Variants in SRGAP3 observed in about 807,000 individuals in gnomAD.
SRGAP3 encodes SLIT-ROBO Rho GTPase-activating protein 3.
In SRGAP3, 39 loss-of-function variants were observed where a neutral mutation model predicts 121.1. That is an observed-to-expected ratio of 0.32 (90% CI 0.25 to 0.42). The LOEUF is 0.42. SRGAP3 is among the 10% of genes least tolerant of loss of function. The pLI, the probability that SRGAP3 is intolerant of heterozygous loss-of-function variation, is 1.00. For missense variants in SRGAP3, 1,213 were observed against 1,470.6 expected (o/e 0.82, Z 2.86); for synonymous variants, 601 against 570.0 (o/e 1.05, Z -0.77).
At chr3:8,991,048 A>G (rs1247609633) in intron 20 of SRGAP3, among the ~76,000 whole-genome samples, 1 of 152,186 alleles carries the variant, frequency 6.6e-6, no homozygotes, top group East Asian at 1.9e-4. Flanking sequence ...ATCTGTAAAC[A>G]TGAAAGCATT....
At chr3:9,259,921 G>C (rs376635425) in intron 3 of SRGAP3, among the ~76,000 whole-genome samples, 3 of 151,836 alleles carry the variant, frequency 2.0e-5, no homozygotes, top group East Asian at 3.9e-4. Context: ...AAGAAGACGG[G>C]TGACTTCTGC....
Position 8,985,621 on chromosome 3 carries a change from G to C in SRGAP3, c.3198C>G (p.His1066Gln). The C allele has an allele frequency of 6.3e-7, 1 of 1,596,026 alleles. No individual in the cohort carries two copies. Among genetic ancestry groups the C allele is most frequent in the Non-Finnish European group, 8.5e-7 (1 of 1,178,118 alleles). Residue 1066 changes from histidine to glutamine, a missense_variant, in exon 22 of 22, where the codon CAC becomes CAG. By Grantham distance (24) the His-to-Gln change is conservative. This residue lies in a region of SRGAP3 where 420 missense variants were observed against 437.7 expected (regional missense o/e 0.96). Transcript: ENST00000383836. The surrounding 1 kb of genome is among the most constrained non-coding windows in gnomAD (Gnocchi z 5.1). ...PMRPVRPVVQ[H>Q]RSSSSSSSGV... ...CCGAGCTGCTGCTGCTGCTGGACCG[G>C]TGCTGGACCACCGGCCGCACGGGCC...
At chr3:9,051,691 G>T (rs1560012596) in intron 9 of SRGAP3, among the ~76,000 whole-genome samples, 1 of 150,182 alleles carries the variant, frequency 6.7e-6, no homozygotes, top group Non-Finnish European at 1.5e-5. Context: ...TATAGAAGGG[G>T]TGAAAATTTT....
chr3:9,301,778 C>T (rs550624594), intron 3 of SRGAP3, among the ~76,000 whole-genome samples: 1 of 152,356 alleles, frequency 6.6e-6, no homozygotes, highest in East Asian at 1.9e-4. Context: ...GGATAAATGA[C>T]TTAATCTTGT....
chr3:9,333,067 T>A (rs184883124), intron 1 of SRGAP3, among the ~76,000 whole-genome samples: 74 of 152,338 alleles, frequency 4.9e-4, no homozygotes, highest in Middle Eastern at 6.8e-3. Context: ...CTTAGCATAT[T>A]TTAGTTTTAT....
chr3:9,000,304 T>C (rs1290492667), intron 18 of SRGAP3, among the ~76,000 whole-genome samples: 4 of 152,162 alleles, frequency 2.6e-5, no homozygotes, highest in Non-Finnish European at 5.9e-5. Context: ...ATGTGGGGGT[T>C]CTATCAACCT....
chr3:9,317,977 T>C (rs1306819493), intron 3 of SRGAP3, among the ~76,000 whole-genome samples: 1 of 152,250 alleles, frequency 6.6e-6, no homozygotes, highest in East Asian at 1.9e-4. Flanking sequence ...GTTCTTAATC[T>C]ACTGCACAGT....
intron 1 of SRGAP3, among the ~76,000 whole-genome samples, chr3:9,347,680 T>G (rs767300845): frequency 6.6e-6 from 1 of 152,244 alleles, no homozygotes; most frequent in Non-Finnish European, 1.5e-5. Context: ...TCTGTACAAT[T>G]GATTCTGGTG....
rs916155543 is a variant in SRGAP3 at position 8,985,461 on chromosome 3, G to T, written c.*58C>A. 1.3e-6 allele frequency: 2 copies of T among 1,591,236 alleles called. No individual in the cohort carries two copies. Among genetic ancestry groups the T allele is most frequent in the African/African-American group, 1.3e-5 (1 of 74,552 alleles). On this transcript the variant is annotated 3_prime_UTR_variant, in exon 22 of 22. Transcript: ENST00000383836. The surrounding 1 kb of genome is among the most constrained non-coding windows in gnomAD (Gnocchi z 5.1). Reference sequence around the variant, plus strand: ...TGGGAAGCACGTGGAAGCCACCAAGGCCACCCTGGGCCGTGGTGAGCCACA... The same window carrying T: ...TGGGAAGCACGTGGAAGCCACCAAGTCCACCCTGGGCCGTGGTGAGCCACA...
At chr3:9,035,771 C>T (rs542679501) in intron 11 of SRGAP3, 1 of 160,800 alleles carries the variant, frequency 6.2e-6, no homozygotes, top group African/African-American at 2.4e-5. Context: ...AATTATCCTG[C>T]AACTAAAGGG....
At chr3:9,015,575 A>G (rs1280309948) in intron 15 of SRGAP3, 22 bp downstream of exon 15, 8 of 1,613,592 alleles carry the variant, frequency 5.0e-6, no homozygotes, top group African/African-American at 1.3e-5. Flanking sequence ...AAAACTGATC[A>G]TTTCACCTGG....
chr3:9,039,655 C>T (rs1162326), intron 10 of SRGAP3, among the ~76,000 whole-genome samples: 1 of 151,986 alleles, frequency 6.6e-6, no homozygotes, highest in East Asian at 1.9e-4. Context: ...TTCCTGCCTC[C>T]GGCCCCTGGC....
At chr3:9,030,440 G>C (rs1396559371) in intron 12 of SRGAP3, among the ~76,000 whole-genome samples, 1 of 152,136 alleles carries the variant, frequency 6.6e-6, no homozygotes, top group Non-Finnish European at 1.5e-5. Context: ...CTATTCCAAA[G>C]ACAAGGTGTC....
chr3:9,178,022 C>T (rs1325222228), intron 1 of SRGAP3, among the ~76,000 whole-genome samples: 1 of 152,056 alleles, frequency 6.6e-6, no homozygotes, highest in Non-Finnish European at 1.5e-5. Flanking sequence ...AATCCTAGCA[C>T]TTTGGGAGGC....
intron 13 of SRGAP3, 87 bp from the exon 14 acceptor site, chr3:9,025,425 C>T (rs1328659452): frequency 4.5e-6 from 6 of 1,347,486 alleles, no homozygotes; most frequent in Non-Finnish European, 2.1e-6. Context: ...TGACTCTCCC[C>T]ATTGCTTGTC....
At chr3:9,301,346 C>A (rs764943670) in intron 3 of SRGAP3, among the ~76,000 whole-genome samples, 3 of 152,198 alleles carry the variant, frequency 2.0e-5, no homozygotes, top group Admixed American at 1.3e-4. Flanking sequence ...AGATGCAGGT[C>A]CCCCGCCTGC....
At chr3:9,261,874 T>C (rs1298621722) in intron 3 of SRGAP3, among the ~76,000 whole-genome samples, 1 of 91,868 alleles carries the variant, frequency 1.1e-5, no homozygotes, top group African/African-American at 3.6e-5. Flanking sequence ...TCCTCATATA[T>C]TTAAAAAAAA....
At chr3:9,074,732 T>A (rs1280823204) in intron 4 of SRGAP3, among the ~76,000 whole-genome samples, 1 of 152,188 alleles carries the variant, frequency 6.6e-6, no homozygotes, top group Non-Finnish European at 1.5e-5. Context: ...TTTGCCAAGA[T>A]TTGCCTGTTG....
intron 1 of SRGAP3, among the ~76,000 whole-genome samples, chr3:9,204,790 A>G (rs896343868): frequency 6.6e-6 from 1 of 152,232 alleles, no homozygotes; most frequent in Non-Finnish European, 1.5e-5. Context: ...CGTAGGAGTT[A>G]GGCTTTGAAA....
Sources: allele counts gnomAD v4.1 joint callset (sites outside exome capture counted in the v4.1 genomes callset), GRCh38; gene constraint gnomAD v4.1.1; regional missense constraint gnomAD v4.1.1; non-coding constraint Gnocchi (gnomAD v3.1); transcripts MANE v1.5; gene names NCBI Gene and HGNC (gene_info 2026-07-23, HGNC 2026-07-21).